The following SRXN1 variants were observed in gnomAD, a reference collection of about 807,000 sequenced individuals.
The protein encoded by SRXN1 is sulfiredoxin 1, also known as sulfiredoxin-1.
Under a neutral mutation model 11.0 loss-of-function variants are expected in SRXN1, and 11 were observed. The observed-to-expected ratio is 1.00, with a 90% CI of 0.63 to 1.65. The LOEUF (loss-of-function observed/expected upper bound fraction) is 1.65, where lower values mean the gene tolerates loss of function less well. Ranked by LOEUF, SRXN1 falls within the 40% of genes most tolerant of loss-of-function variation. The pLI, the probability that SRXN1 is intolerant of heterozygous loss-of-function variation, is 0.00. For synonymous variants in SRXN1, 106 were observed against 92.8 expected (o/e 1.14, Z -0.82); for missense variants, 211 against 194.5 (o/e 1.08, Z -0.50).
Position 653,010 on chromosome 20 carries a change from G to A in SRXN1, c.176C>T (p.Pro59Leu), listed in dbSNP as rs1204808338. The change falls in exon 1 of 2, where the codon CCC becomes CTC. Residue 59 changes from proline to leucine, a missense_variant. Pro to Leu is a moderately conservative substitution (Grantham distance 98). Transcript: ENST00000381962. Reference sequence around the variant, plus strand: ...GTCCACGAGGCTCTGCACCTTGGCGGGGTCCAACACGGACGGCAGCGGCCG... The same window carrying A: ...GTCCACGAGGCTCTGCACCTTGGCGAGGTCCAACACGGACGGCAGCGGCCG... ...LIRPLPSVLD[P>L]AKVQSLVDTI... 6 of 1,570,830 alleles carry A rather than the reference G, an allele frequency of 3.8e-6. No homozygotes were observed. The highest frequency in any genetic ancestry group is 1.4e-5 in the African/African-American group (1 of 73,238).
At chr20:652,504 T>C (rs1983698912) in intron 1 of SRXN1, among the ~76,000 whole-genome samples, 1 of 152,128 alleles carries the variant, frequency 6.6e-6, no homozygotes, top group South Asian at 2.1e-4. Context: ...GTCACAGCCA[T>C]GAGAGCCCAC....
chr20:649,380 G>T (rs75554873), intron 1 of SRXN1, among the ~76,000 whole-genome samples: 2,038 of 152,214 alleles, frequency 0.013, 54 homozygotes, highest in African/African-American at 0.046. Context: ...CCTCTCTGAG[G>T]TAAGAATGAA....
intron 1 of SRXN1, among the ~76,000 whole-genome samples, chr20:649,473 G>C (rs1180348589): frequency 6.6e-6 from 1 of 152,136 alleles, no homozygotes; most frequent in East Asian, 1.9e-4. Context: ...AGGCCGAGGC[G>C]GGTGGATCAC....
Position 648,506 on chromosome 20 carries a change from C to A in SRXN1, c.*208G>T. 1 of 659,640 alleles carries A rather than the reference C, an allele frequency of 1.5e-6. No individual in the cohort carries two copies. Among genetic ancestry groups the A allele is most frequent in the Non-Finnish European group, 2.7e-6 (1 of 367,334 alleles). The allele number at this position is 659,640 out of a possible 1,614,324, so 40.9% of individuals were successfully genotyped here. ...ATGCTTCAAGGGTAAGGCCATGATC[C>A]TATTGTCACAGAGGTGGGAACTGGG... is the stretch of plus-strand genomic sequence containing the variant. On this transcript the variant is annotated 3_prime_UTR_variant, in exon 2 of 2. Coordinates refer to ENST00000381962, the MANE Select transcript of SRXN1 (RefSeq NM_080725.3).
intron 1 of SRXN1, among the ~76,000 whole-genome samples, chr20:650,516 T>C (rs1274116196): frequency 6.6e-6 from 1 of 152,196 alleles, no homozygotes; most frequent in Non-Finnish European, 1.5e-5. Flanking sequence ...TAGAGCACTC[T>C]GGGGAGACCC....
chr20:649,682 A>G (rs1038884366), intron 1 of SRXN1, among the ~76,000 whole-genome samples: 6 of 150,480 alleles, frequency 4.0e-5, no homozygotes, highest in African/African-American at 1.5e-4. Flanking sequence ...AGCCTCGGCG[A>G]TGGAACGAGA....
intron 1 of SRXN1, among the ~76,000 whole-genome samples, chr20:650,478 GA>G (rs1983644726): frequency 6.6e-6 from 1 of 152,210 alleles, no homozygotes; most frequent in Non-Finnish European, 1.5e-5. Context: ...TCTAAACAGG[GA>G]AAGTCTGGGG....
chr20:651,829 C>T (rs964910394), intron 1 of SRXN1, among the ~76,000 whole-genome samples: 4 of 151,916 alleles, frequency 2.6e-5, no homozygotes, highest in Admixed American at 6.6e-5. Flanking sequence ...GAGTGAGAAA[C>T]GACAAGGCAG....
chr20:650,756 CT>C (rs1306499635), intron 1 of SRXN1, among the ~76,000 whole-genome samples: 1 of 152,198 alleles, frequency 6.6e-6, no homozygotes, highest in Non-Finnish European at 1.5e-5. Context: ...TAGAGGGCTG[CT>C]GATGAAGAGT....
chr20:647,133 T>C lies in SRXN1; in HGVS notation c.*1581A>G, dbSNP rs1983553779. The C allele has an allele frequency of 6.6e-6, 1 of 152,254 alleles. No individual in the cohort carries two copies. Among genetic ancestry groups the C allele is most frequent in the Admixed American group, 6.6e-5 (1 of 15,260 alleles). 9.4% of individuals were successfully genotyped at this position (152,254 alleles called of 1,614,324 possible). ...ACCTGGCCTAACCCCATACCAGCAG[T>C]GCAGACAAGGAGGCACTCCTACTAC... On this transcript the variant is annotated 3_prime_UTR_variant, in exon 2 of 2. Transcript: ENST00000381962.
intron 1 of SRXN1, among the ~76,000 whole-genome samples, chr20:650,203 T>C (rs544436301): frequency 6.6e-6 from 1 of 152,182 alleles, no homozygotes; most frequent in East Asian, 1.9e-4. Flanking sequence ...TTCTAGAAAG[T>C]TGTCACAGGA....
chr20:647,885 T>A lies in SRXN1; in HGVS notation c.*829A>T. On this transcript the variant is annotated 3_prime_UTR_variant, in exon 2 of 2. Transcript: ENST00000381962. ...TCTCTCTTGGTAATGGGATCCCAGT[T>A]TTATTGCAGGAGGCAGTGTGCCAGT... is the stretch of plus-strand genomic sequence containing the variant. 8.5e-6 allele frequency: 3 copies of A among 352,080 alleles called. No homozygotes were observed. The highest frequency in any genetic ancestry group is 6.4e-5 in the South Asian group (3 of 46,528). 21.8% of individuals were successfully genotyped at this position (352,080 alleles called of 1,614,324 possible). A position where few individuals can be genotyped will look rare whatever the true frequency, so the allele number is the denominator to read the frequency against.
intron 1 of SRXN1, among the ~76,000 whole-genome samples, chr20:650,160 G>T (rs1049974238): frequency 6.6e-6 from 1 of 152,290 alleles, no homozygotes; most frequent in Non-Finnish European, 1.5e-5. Flanking sequence ...TGGAGTGTTG[G>T]CAACAGGGGA....
At position 646,779 on chromosome 20, in the gene SRXN1, T is replaced by G. The variant is rs1259117609; in HGVS notation, c.*1935A>C. The G allele has an allele frequency of 1.3e-5, 2 of 152,110 alleles. No homozygotes were observed. Among genetic ancestry groups the G allele is most frequent in the African/African-American group, 4.8e-5 (2 of 41,402 alleles). 9.4% of individuals were successfully genotyped at this position (152,110 alleles called of 1,614,324 possible). A position where few individuals can be genotyped will look rare whatever the true frequency, so the allele number is the denominator to read the frequency against. On this transcript the variant is annotated 3_prime_UTR_variant, in exon 2 of 2. Transcript: ENST00000381962. ...ATCTGTCAAAACCAAGAGACTGAAA[T>G]TGGTATATTAACTAAAATTCAGACT...
At position 648,826 on chromosome 20, in the gene SRXN1, C is replaced by T. The variant is rs757818892; in HGVS notation, c.302G>A (p.Arg101His). Residue 101 changes from arginine to histidine, a missense_variant, in exon 2 of 2, where the codon CGC (arginine) becomes CAC (histidine). By Grantham distance (29) the Arg-to-His change is conservative (BLOSUM62 0). Coordinates refer to ENST00000381962, the MANE Select transcript of SRXN1 (RefSeq NM_080725.3). Reference protein sequence around the residue: ...DYFYSFGGCHRYAAYQQLQRE... With the variant: ...DYFYSFGGCHHYAAYQQLQRE... ...CTGCAGTTGCTGGTAGGCCGCGTAGCGGTGGCAGCCCCCAAAGGAGTAGAA... is the reference window on the plus strand; with the variant it reads ...CTGCAGTTGCTGGTAGGCCGCGTAGTGGTGGCAGCCCCCAAAGGAGTAGAA... 241 of 1,614,068 alleles carry T rather than the reference C, an allele frequency of 1.5e-4. No individual in the cohort carries two copies. The highest frequency in any genetic ancestry group is 1.8e-4 in the Non-Finnish European group (214 of 1,180,040).
intron 1 of SRXN1, among the ~76,000 whole-genome samples, chr20:650,570 C>T (rs966241519): frequency 1.2e-3 from 181 of 152,286 alleles, no homozygotes; most frequent in African/African-American, 3.9e-3. Flanking sequence ...TGCTGGTCCA[C>T]GGGTTCTCTC....
rs1373818139 is a variant in SRXN1, at chr20:648,169, T to C, written c.*545A>G. ...TGAACGCAGACATGATTCTTGGGGA[T>C]ACAGCAGCCATCTTGGGACCATGAA... On this transcript the variant is annotated 3_prime_UTR_variant, in exon 2 of 2. Coordinates refer to ENST00000381962, the MANE Select transcript of SRXN1 (RefSeq NM_080725.3). 2.2e-6 allele frequency: 1 copy of C among 456,194 alleles called. No individual in the cohort carries two copies. Among genetic ancestry groups the C allele is most frequent in the Non-Finnish European group, 4.4e-6 (1 of 226,978 alleles). The allele number at this position is 456,194 out of a possible 1,614,324, so 28.3% of individuals were successfully genotyped here. A position where few individuals can be genotyped will look rare whatever the true frequency, so the allele number is the denominator to read the frequency against.
rs1983561560 is a variant in SRXN1 at position 647,524 on chromosome 20, TCA to T, written c.*1188_*1189del. Reference sequence around the variant, plus strand: ...TCAAGAAGTCTTTCAGCTTCTACTCTCACTCTCTTTGGAATCCTGAAGCCATC... The same window carrying T: ...TCAAGAAGTCTTTCAGCTTCTACTCTCTCTCTTTGGAATCCTGAAGCCATC... On this transcript the variant is annotated 3_prime_UTR_variant, in exon 2 of 2. Coordinates refer to ENST00000381962, the MANE Select transcript of SRXN1 (RefSeq NM_080725.3). 1 of 161,302 alleles carries T rather than the reference TCA, an allele frequency of 6.2e-6. No homozygotes were observed. Among genetic ancestry groups the T allele is most frequent in the Admixed American group, 5.8e-5 (1 of 17,210 alleles). The allele number at this position is 161,302 out of a possible 1,614,324, so 10.0% of individuals were successfully genotyped here.
chr20:651,154 G>T (rs1478106226), intron 1 of SRXN1, among the ~76,000 whole-genome samples: 1 of 152,230 alleles, frequency 6.6e-6, no homozygotes, highest in Admixed American at 6.5e-5. Flanking sequence ...GCGTCTGGAA[G>T]CTGGGAAAGG....
Sources: allele counts gnomAD v4.1 joint callset (sites outside exome capture counted in the v4.1 genomes callset), GRCh38; gene constraint gnomAD v4.1.1; transcripts MANE v1.5; gene names NCBI Gene and HGNC (gene_info 2026-07-23, HGNC 2026-07-21).